Variants in LPCAT1 observed in about 807,000 individuals in gnomAD.
The protein encoded by LPCAT1 is lysophosphatidylcholine acyltransferase 1, also known as 1-acylglycerol-3-phosphate O-acyltransferase.
In LPCAT1, 23 loss-of-function variants were observed where a neutral mutation model predicts 60.9. That is an observed-to-expected ratio of 0.38 (90% CI 0.27 to 0.53). The LOEUF is 0.53. Ranked by LOEUF, LPCAT1 falls within the 20% of genes least tolerant of loss-of-function variation. The pLI, the probability that LPCAT1 is intolerant of heterozygous loss-of-function variation, is 0.82. For missense variants in LPCAT1, 622 were observed against 723.6 expected, an observed-to-expected ratio of 0.86 and a Z score of 1.61; for synonymous variants, 340 against 301.1, an observed-to-expected ratio of 1.13 and a Z score of -1.34.
Position 1,483,300 on chromosome 5 carries a change from G to T in LPCAT1, c.726+128C>A. The T allele has an allele frequency of 4.7e-6, 5 of 1,067,128 alleles. No individual in the cohort carries two copies. Among genetic ancestry groups the T allele is most frequent in the Non-Finnish European group, 7.2e-6 (5 of 692,194 alleles). 66.1% of individuals were successfully genotyped at this position (1,067,128 alleles called of 1,614,324 possible). ...GCTGAGGCCGGATGGACTCAGCATG[G>T]CCAAGTGTGGGCTGTGGCGCAGATA... is the stretch of plus-strand genomic sequence containing the variant. On this transcript the variant is annotated intron_variant, in intron 6 of 13. Transcript: ENST00000283415. This position sits in a 1 kb window ranked among gnomAD's most constrained non-coding sequence, Gnocchi z 9.2.
intron 13 of LPCAT1, among the ~76,000 whole-genome samples, chr5:1,465,852 G>A (rs1022255336): frequency 2.0e-5 from 3 of 148,820 alleles, no homozygotes; most frequent in Non-Finnish European, 4.5e-5. Context: ...GGTAACACAC[G>A]TGCACTTTCA....
At chr5:1,493,602 C>T (rs1412716668) in intron 3 of LPCAT1, among the ~76,000 whole-genome samples, 4 of 152,262 alleles carry the variant, frequency 2.6e-5, no homozygotes, top group African/African-American at 9.6e-5. Context: ...TGCCCCAGAA[C>T]GTGCTGTGCT....
At position 1,502,319 on chromosome 5, in the gene LPCAT1, G is replaced by A. The variant is rs954215800; in HGVS notation, c.136-716C>T. Among the ~76,000 whole-genome samples, 1 of 152,160 alleles carries A rather than the reference G, an allele frequency of 6.6e-6. No individual in the cohort carries two copies. The highest frequency in any genetic ancestry group is 2.4e-5 in the African/African-American group (1 of 41,428). On this transcript the variant is annotated intron_variant, in intron 1 of 13. Transcript: ENST00000283415. The surrounding 1 kb of genome is among the most constrained non-coding windows in gnomAD (Gnocchi z 5.5). Reference sequence around the variant, plus strand: ...TCACTCAGCAGTTTCCCCTGAAATCGTTTATGTGGACATGAGAAAGCATAC... The same window carrying A: ...TCACTCAGCAGTTTCCCCTGAAATCATTTATGTGGACATGAGAAAGCATAC...
chr5:1,520,497 A>G (rs1340065359), intron 1 of LPCAT1, among the ~76,000 whole-genome samples: 2 of 152,186 alleles, frequency 1.3e-5, no homozygotes, highest in South Asian at 2.1e-4. Flanking sequence ...CAAGGTGCAC[A>G]GGAAGGCATT....
intron 2 of LPCAT1, among the ~76,000 whole-genome samples, chr5:1,500,169 A>T (rs554786907): frequency 6.6e-6 from 1 of 152,262 alleles, no homozygotes; most frequent in African/African-American, 2.4e-5. Context: ...GTTTCTGAAT[A>T]AAAGATTCAG....
Position 1,474,693 on chromosome 5 carries a change from G to T in LPCAT1, c.900-8C>A. On this transcript the variant is annotated splice_region_variant and splice_polypyrimidine_tract_variant and intron_variant, in intron 9 of 13. Coordinates refer to ENST00000283415, the MANE Select transcript of LPCAT1 (RefSeq NM_024830.5). ...ACGGAGACACCCAAGGCCCTACAAGGAGGGCAGCACCCCCGTCAGCCCAGC... is the reference window on the plus strand; with the variant it reads ...ACGGAGACACCCAAGGCCCTACAAGTAGGGCAGCACCCCCGTCAGCCCAGC... The T allele has an allele frequency of 1.9e-6, 3 of 1,612,062 alleles. No individual in the cohort carries two copies. Among genetic ancestry groups the T allele is most frequent in the Middle Eastern group, 3.3e-4 (2 of 6,048 alleles).
Position 1,522,307 on chromosome 5 carries a change from A to T in LPCAT1, c.135+1403T>A, listed in dbSNP as rs1185627330. On this transcript the variant is annotated intron_variant, in intron 1 of 13. Coordinates refer to ENST00000283415, the MANE Select transcript of LPCAT1 (RefSeq NM_024830.5). This position sits in a 1 kb window ranked among gnomAD's most constrained non-coding sequence, Gnocchi z 6.8. ...AAGAGGAGGAATGGTTGAGGGGCACAGAATGAGCGACCGTGTCCCAAGTCC... is the reference window on the plus strand; with the variant it reads ...AAGAGGAGGAATGGTTGAGGGGCACTGAATGAGCGACCGTGTCCCAAGTCC... Among the ~76,000 whole-genome samples, 1 of 152,168 alleles carries T rather than the reference A, an allele frequency of 6.6e-6. No homozygotes were observed. Among genetic ancestry groups the T allele is most frequent in the Non-Finnish European group, 1.5e-5 (1 of 68,018 alleles).
chr5:1,505,219 G>A (rs1322712034), intron 1 of LPCAT1, among the ~76,000 whole-genome samples: 1 of 146,592 alleles, frequency 6.8e-6, no homozygotes, highest in African/African-American at 2.6e-5. Context: ...AAACAGCACC[G>A]ACTACAACTG....
At chr5:1,506,496 T>C (rs1180652834) in intron 1 of LPCAT1, among the ~76,000 whole-genome samples, 1 of 152,144 alleles carries the variant, frequency 6.6e-6, no homozygotes, top group Non-Finnish European at 1.5e-5. Context: ...CCATTCCTCA[T>C]GCCCCCACGC....
Position 1,462,355 on chromosome 5 carries a change from G to A in LPCAT1, c.*1296C>T, listed in dbSNP as rs781542609. The stretch of plus-strand genomic sequence containing the variant: ...ACAAGGTGATGTCAGAGGGACTTCA[G>A]GTGACACCAAAATACCCCATCCAGG... On this transcript the variant is annotated 3_prime_UTR_variant, in exon 14 of 14. Coordinates refer to ENST00000283415, the MANE Select transcript of LPCAT1 (RefSeq NM_024830.5). 1.6e-4 allele frequency: 25 copies of A among 152,616 alleles called. No individual in the cohort carries two copies. The highest frequency in any genetic ancestry group is 1.6e-3 in the Admixed American group (24 of 15,292). 9.5% of individuals were successfully genotyped at this position (152,616 alleles called of 1,614,324 possible). A position where few individuals can be genotyped will look rare whatever the true frequency, so the allele number is the denominator to read the frequency against.
Position 1,487,264 on chromosome 5 carries a change from G to A in LPCAT1, c.667+1127C>T, listed in dbSNP as rs577424180. On this transcript the variant is annotated intron_variant, in intron 5 of 13. Coordinates refer to ENST00000283415, the MANE Select transcript of LPCAT1 (RefSeq NM_024830.5). This position sits in a 1 kb window ranked among gnomAD's most constrained non-coding sequence, Gnocchi z 6.1. ...TTGCCCACAGGCCACGCCCAGGCACGGACCCAGTGTGGTGGGGGCACACGG... is the reference window on the plus strand; with the variant it reads ...TTGCCCACAGGCCACGCCCAGGCACAGACCCAGTGTGGTGGGGGCACACGG... 3.5e-4 allele frequency among the ~76,000 whole-genome samples: 53 copies of A among 152,318 alleles called. 1 individual carries two copies. Among genetic ancestry groups the A allele is most frequent in the African/African-American group, 1.2e-3 (50 of 41,572 alleles).
In LPCAT1 at chr5:1,496,601, C is replaced by T. The variant is rs1363346461; in HGVS notation, c.279-1687G>A. 6.6e-6 allele frequency among the ~76,000 whole-genome samples: 1 copy of T among 152,038 alleles called. No homozygotes were observed. Among genetic ancestry groups the T allele is most frequent in the African/African-American group, 2.4e-5 (1 of 41,376 alleles). On this transcript the variant is annotated intron_variant, in intron 2 of 13. Transcript: ENST00000283415. The surrounding 1 kb of genome is among the most constrained non-coding windows in gnomAD (Gnocchi z 4.7). ...ACAGCAGGAAAAAAGGGATTAAAAC[C>T]CGGGCGGCCCTTAGAGGAACACACC...
At chr5:1,474,364 C>T (rs924780628) in intron 10 of LPCAT1, among the ~76,000 whole-genome samples, 196 bp downstream of exon 10, 1 of 152,184 alleles carries the variant, frequency 6.6e-6, no homozygotes, top group Non-Finnish European at 1.5e-5. Context: ...CCTCCTGGGG[C>T]GCCGTCCACA....
rs1736700459 is a variant in LPCAT1 at position 1,522,306 on chromosome 5, C to A, written c.135+1404G>T. Reference sequence around the variant, plus strand: ...GAAGAGGAGGAATGGTTGAGGGGCACAGAATGAGCGACCGTGTCCCAAGTC... The same window carrying A: ...GAAGAGGAGGAATGGTTGAGGGGCAAAGAATGAGCGACCGTGTCCCAAGTC... On this transcript the variant is annotated intron_variant, in intron 1 of 13. Coordinates refer to ENST00000283415, the MANE Select transcript of LPCAT1 (RefSeq NM_024830.5). This position sits in a 1 kb window ranked among gnomAD's most constrained non-coding sequence, Gnocchi z 6.8. 6.6e-6 allele frequency among the ~76,000 whole-genome samples: 1 copy of A among 152,152 alleles called. No homozygotes were observed. Among genetic ancestry groups the A allele is most frequent in the Non-Finnish European group, 1.5e-5 (1 of 68,020 alleles).
At chr5:1,518,157 C>T (rs934386357) in intron 1 of LPCAT1, among the ~76,000 whole-genome samples, 1 of 152,206 alleles carries the variant, frequency 6.6e-6, no homozygotes, top group African/African-American at 2.4e-5. Flanking sequence ...GTGGGGGATG[C>T]ACCGTGGCCC....
intron 10 of LPCAT1, among the ~76,000 whole-genome samples, 170 bp from the exon 11 acceptor site, chr5:1,474,280 A>G (rs1423884252): frequency 6.6e-6 from 1 of 152,224 alleles, no homozygotes; most frequent in Non-Finnish European, 1.5e-5. Flanking sequence ...GTTCTGTCCA[A>G]GTGTCAAGCC....
rs1374066017 is a variant in LPCAT1, at chr5:1,487,376, G to A, written c.667+1015C>T. On this transcript the variant is annotated intron_variant, in intron 5 of 13. Coordinates refer to ENST00000283415, the MANE Select transcript of LPCAT1 (RefSeq NM_024830.5). The surrounding 1 kb of genome is among the most constrained non-coding windows in gnomAD (Gnocchi z 6.1). The stretch of plus-strand genomic sequence containing the variant: ...AGAACCACGCGTGGTGAAGACAATG[G>A]AACGGGAAGACCCAGTACCTTCCAG... 1.3e-5 allele frequency among the ~76,000 whole-genome samples: 2 copies of A among 152,184 alleles called. No homozygotes were observed. The highest frequency in any genetic ancestry group is 2.4e-5 in the African/African-American group (1 of 41,450).
At chr5:1,507,131 C>G (rs1052550475) in intron 1 of LPCAT1, among the ~76,000 whole-genome samples, 1 of 152,156 alleles carries the variant, frequency 6.6e-6, no homozygotes, top group African/African-American at 2.4e-5. Flanking sequence ...GAGAGGAGAA[C>G]ACGGACCACG....
rs1453027865 is a variant in LPCAT1, at chr5:1,477,443, G to T, written c.860C>A (p.Pro287His). ...CCGCACGTTGCTGGCATACAGCGCG[G>T]GGTTCCTCTTCTCCTCCTCAGAAGG... ...YSPSEEEKRN[P>H]ALYASNVRRV... The change falls in exon 9 of 14, where the codon CCC (proline) becomes CAC (histidine). Residue 287 changes from proline to histidine, a missense_variant. Transcript: ENST00000283415. The surrounding 1 kb of genome is among the most constrained non-coding windows in gnomAD (Gnocchi z 6.0). 5 of 1,613,870 alleles carry T rather than the reference G, an allele frequency of 3.1e-6. No individual in the cohort carries two copies. The highest frequency in any genetic ancestry group is 4.2e-6 in the Non-Finnish European group (5 of 1,179,964).
Sources: allele counts gnomAD v4.1 joint callset (sites outside exome capture counted in the v4.1 genomes callset), GRCh38; gene constraint gnomAD v4.1.1; non-coding constraint Gnocchi (gnomAD v3.1); transcripts MANE v1.5; gene names NCBI Gene and HGNC (gene_info 2026-07-23, HGNC 2026-07-21).